COL6A3: variants seen among roughly 807,000 people sequenced by gnomAD.
COL6A3 encodes the protein collagen alpha-3(VI) chain.
In COL6A3, 137 loss-of-function variants were observed where a neutral mutation model predicts 274.1. The ratio of observed to expected loss-of-function variants is 0.50; its 90% CI spans 0.44 to 0.58. COL6A3 has a LOEUF of 0.58. COL6A3 is among the 20% of genes least tolerant of loss of function. The pLI is 0.00. For synonymous variants in COL6A3, 1,650 were observed against 1,650.6 expected (o/e 1.00, Z 0.01); for missense variants, 3,950 against 4,124.9 (o/e 0.96, Z 1.16).
At position 237,364,464 on chromosome 2, in the gene COL6A3, TA is replaced by T; in HGVS notation, c.5839-37del. 1 of 1,516,086 alleles carries T rather than the reference TA, an allele frequency of 6.6e-7. No homozygotes were observed. 93.9% of individuals were successfully genotyped at this position (1,516,086 alleles called of 1,614,324 possible). ...GAGAGCTGTCAAATCCCAGGAAAAC[TA>T]AAAAGGAGTGTTGCAGACTGCTGAT... On this transcript the variant is annotated intron_variant, in intron 12 of 43. Transcript: ENST00000295550. This position sits in a 1 kb window ranked among gnomAD's most constrained non-coding sequence, Gnocchi z 4.6.
At chr2:237,347,147 T>C (rs1168653678) in intron 31 of COL6A3, among the ~76,000 whole-genome samples, 1 of 151,928 alleles carries the variant, frequency 6.6e-6, no homozygotes, top group Non-Finnish European at 1.5e-5. Flanking sequence ...TGGTGTCTCA[T>C]GCATGTAATC....
chr2:237,340,346 A>C lies in COL6A3; in HGVS notation c.8464+106T>G, dbSNP rs543288654. On this transcript the variant is annotated intron_variant, in intron 38 of 43. Coordinates refer to ENST00000295550, the MANE Select transcript of COL6A3 (RefSeq NM_004369.4). ...TATATGTCTGTTCAATGAATGAAAC[A>C]GTTCCTGTCAACACATCGGTTGTCT... 6.9e-5 allele frequency: 73 copies of C among 1,063,790 alleles called. No homozygotes were observed. In the African/African-American group the frequency reaches 8.7e-4, roughly 13 times the overall value. 65.9% of individuals were successfully genotyped at this position (1,063,790 alleles called of 1,614,324 possible). A position where few individuals can be genotyped will look rare whatever the true frequency, so the allele number is the denominator to read the frequency against.
At chr2:237,375,975 T>C (rs2077827655) in intron 7 of COL6A3, among the ~76,000 whole-genome samples, 1 of 152,250 alleles carries the variant, frequency 6.6e-6, no homozygotes, top group Non-Finnish European at 1.5e-5. Context: ...TTCAAAGATG[T>C]ATTCAAGAAA....
chr2:237,404,205 T>C (rs1271596011), intron 1 of COL6A3, among the ~76,000 whole-genome samples: 1 of 152,088 alleles, frequency 6.6e-6, no homozygotes, highest in Admixed American at 6.5e-5. Flanking sequence ...GATCAATGTT[T>C]TAATACGGGA....
rs2077702810 is a variant in COL6A3 at position 237,371,990 on chromosome 2, T to G, written c.4027A>C (p.Ile1343Leu). 1 of 1,614,144 alleles carries G rather than the reference T, an allele frequency of 6.2e-7. No individual in the cohort carries two copies. The highest frequency in any genetic ancestry group is 1.3e-5 in the African/African-American group (1 of 75,068). ...TCATCGTCAGACTTTCCAGACGAGATGAGGACCAGGAACTGCGGGACGCCC... is the reference window on the plus strand; with the variant it reads ...TCATCGTCAGACTTTCCAGACGAGAGGAGGACCAGGAACTGCGGGACGCCC... ...EEGVPQFLVLISSGKSDDEVD... is the reference protein window; with the variant it reads ...EEGVPQFLVLLSSGKSDDEVD... The change falls in exon 9 of 44, where the codon ATC (isoleucine) becomes CTC (leucine). Residue 1343 changes from isoleucine to leucine, a missense_variant. Ile to Leu is a conservative substitution (Grantham distance 5). This residue lies in a region of COL6A3 where 1,934 missense variants were observed against 1,984.3 expected (regional missense o/e 0.97). Transcript: ENST00000295550. This position sits in a 1 kb window ranked among gnomAD's most constrained non-coding sequence, Gnocchi z 4.3.
In COL6A3 at chr2:237,407,218, T is replaced by C. The variant is rs954927250; in HGVS notation, c.-31+6735A>G. Among the ~76,000 whole-genome samples, 2 of 152,212 alleles carry C rather than the reference T, an allele frequency of 1.3e-5. No homozygotes were observed. The highest frequency in any genetic ancestry group is 4.8e-5 in the African/African-American group (2 of 41,458). On this transcript the variant is annotated intron_variant, in intron 1 of 43. Transcript: ENST00000295550. The surrounding 1 kb of genome is among the most constrained non-coding windows in gnomAD (Gnocchi z 4.3). ...TGAGCCACTACACCTGGCCTTTGAA[T>C]TTCTATTCTATGAAAATACTCTAGA... is the stretch of plus-strand genomic sequence containing the variant.
At chr2:237,412,860 C>T (rs886244588) in intron 1 of COL6A3, among the ~76,000 whole-genome samples, 2 of 152,124 alleles carry the variant, frequency 1.3e-5, no homozygotes, top group African/African-American at 4.8e-5. Context: ...GGCCACAGCC[C>T]TGCCTCCCCA....
rs775790310 is a variant in COL6A3 at position 237,340,653 on chromosome 2, C to G, written c.8263G>C (p.Ala2755Pro). Residue 2755 changes from alanine (A) to proline (P), a missense_variant, in exon 38 of 44, where the codon GCC becomes CCC. Physicochemically the swap from Ala to Pro is conservative, Grantham distance 27. This residue lies in a region of COL6A3 where 1,284 missense variants were observed against 1,349.7 expected (regional missense o/e 0.95). Coordinates refer to ENST00000295550, the MANE Select transcript of COL6A3 (RefSeq NM_004369.4). ...GEVPEQQLEE[A>P]QRVILQAKCK... ...TTGGCCTGCAGGATGACTCTCTGGG[C>G]CTCCTCCAGCTGCTGCTCCGGCACC... 4 of 1,614,214 alleles carry G rather than the reference C, an allele frequency of 2.5e-6. No individual in the cohort carries two copies. The highest frequency in any genetic ancestry group is 3.4e-6 in the Non-Finnish European group (4 of 1,180,032).
chr2:237,337,316 G>T (rs927017077), intron 39 of COL6A3, among the ~76,000 whole-genome samples: 19 of 152,264 alleles, frequency 1.2e-4, no homozygotes, highest in African/African-American at 3.9e-4. Context: ...TTCAGGGAAG[G>T]TTTCAGAGAA....
intron 38 of COL6A3, among the ~76,000 whole-genome samples, chr2:237,339,722 T>C (rs1303558171): frequency 6.6e-6 from 1 of 152,232 alleles, no homozygotes; most frequent in Non-Finnish European, 1.5e-5. Context: ...TTGCCTGTAC[T>C]GACCCTGGGC....
Position 237,381,255 on chromosome 2 carries a change from G to A in COL6A3, c.1557C>T (p.Asp519=), listed in dbSNP as rs145586177. ...CAGAGCCCGTGTACAGGGCCGAGCCGTCCAGGGGCTTCATTTTCCGCACAG... is the reference window on the plus strand; with the variant it reads ...CAGAGCCCGTGTACAGGGCCGAGCCATCCAGGGGCTTCATTTTCCGCACAG... ...ITAVRKMKPL[D]GSALYTGSAL... is the part of the protein sequence containing the mutation. Residue 519 remains aspartate, a synonymous_variant, in exon 5 of 44, where the codon GAC becomes GAT. Coordinates refer to ENST00000295550, the MANE Select transcript of COL6A3 (RefSeq NM_004369.4). The A allele has an allele frequency of 4.0e-5, 64 of 1,614,242 alleles. No individual in the cohort carries two copies. The Admixed American group carries it at 4.0e-4, about 10-fold the overall frequency.
chr2:237,378,738 T>A lies in COL6A3; in HGVS notation c.2395A>T (p.Met799Leu). ...GCTGGCAGGGAGCTGAAATCATCCA[T>A]GAGATACACCAGGCTTGGGTTAAAA... ...IAFNPSLVYL[M>L]DDFSSLPALP... is the part of the protein sequence containing the mutation. The change falls in exon 6 of 44, where the codon ATG becomes TTG. Residue 799 changes from methionine (M) to leucine (L), a missense_variant. Around this residue, in one of 5 missense-constraint regions of COL6A3, gnomAD observed 1,934 missense variants for 1,984.3 expected, o/e 0.97. Coordinates refer to ENST00000295550, the MANE Select transcript of COL6A3 (RefSeq NM_004369.4). The A allele has an allele frequency of 6.2e-7, 1 of 1,613,264 alleles. No homozygotes were observed. The highest frequency in any genetic ancestry group is 8.5e-7 in the Non-Finnish European group (1 of 1,179,250).
chr2:237,360,293 C>A, intron 16 of COL6A3, 134 bp from the exon 17 acceptor site: 1 of 893,186 alleles, frequency 1.1e-6, no homozygotes, highest in South Asian at 1.4e-5. Flanking sequence ...GAACGCCGAT[C>A]GAGGCTACGT....
At chr2:237,369,570 C>A (rs752266200) in intron 9 of COL6A3, among the ~76,000 whole-genome samples, 1 of 152,164 alleles carries the variant, frequency 6.6e-6, no homozygotes, top group Non-Finnish European at 1.5e-5. Flanking sequence ...CTTTGTTGTA[C>A]AAGAAGAGAA....
At chr2:237,331,047 T>C (rs745440091) in intron 42 of COL6A3, among the ~76,000 whole-genome samples, 38 of 152,228 alleles carry the variant, frequency 2.5e-4, no homozygotes, top group Non-Finnish European at 4.0e-4. Flanking sequence ...GGGACCCATC[T>C]CTGTAAACAT....
At position 237,346,531 on chromosome 2, in the gene COL6A3, T is replaced by C. The variant is rs2077100310; in HGVS notation, c.7064A>G (p.Lys2355Arg). ...NSGPPGIVGQKGDPGYPGPAG... is the reference protein window; with the variant it reads ...NSGPPGIVGQRGDPGYPGPAG... Reference sequence around the variant, plus strand: ...TGGTCCTGGGTAGCCAGGGTCTCCCTTCTGTCCAACTATCCCTGGAGGTCC... The same window carrying C: ...TGGTCCTGGGTAGCCAGGGTCTCCCCTCTGTCCAACTATCCCTGGAGGTCC... The change falls in exon 32 of 44, where the codon AAG becomes AGG. Residue 2355 changes from lysine (K) to arginine (R), a missense_variant. Physicochemically the swap from Lys to Arg is conservative, Grantham distance 26 (BLOSUM62 2). Transcript: ENST00000295550. The C allele has an allele frequency of 6.2e-7, 1 of 1,613,906 alleles. No homozygotes were observed. Among genetic ancestry groups the C allele is most frequent in the Non-Finnish European group, 8.5e-7 (1 of 1,179,948 alleles).
In COL6A3 at chr2:237,357,319, A is replaced by G. The variant is rs2077339822; in HGVS notation, c.6591+19T>C. ...CTAAGAATTGTCACAGAGCCCCCCA[A>G]AGCCCTAATGGCACTCACATTCTTC... On this transcript the variant is annotated intron_variant, in intron 23 of 43. Coordinates refer to ENST00000295550, the MANE Select transcript of COL6A3 (RefSeq NM_004369.4). 1 of 1,612,438 alleles carries G rather than the reference A, an allele frequency of 6.2e-7. No individual in the cohort carries two copies. Among genetic ancestry groups the G allele is most frequent in the Non-Finnish European group, 8.5e-7 (1 of 1,178,436 alleles).
intron 8 of COL6A3, among the ~76,000 whole-genome samples, chr2:237,372,654 C>T (rs1052837919): frequency 2.6e-5 from 4 of 152,146 alleles, no homozygotes; most frequent in South Asian, 2.1e-4. Context: ...CACTGGGCTT[C>T]GCCAGAGACA....
At chr2:237,377,387 T>G in intron 6 of COL6A3, 43 bp from the exon 7 acceptor site, 1 of 1,584,750 alleles carries the variant, frequency 6.3e-7, no homozygotes, top group South Asian at 1.1e-5. Flanking sequence ...GACGAGAGCA[T>G]AACAGGAACC....
Sources: allele counts gnomAD v4.1 joint callset (sites outside exome capture counted in the v4.1 genomes callset), GRCh38; gene constraint gnomAD v4.1.1; regional missense constraint gnomAD v4.1.1; non-coding constraint Gnocchi (gnomAD v3.1); transcripts MANE v1.5; gene names NCBI Gene and HGNC (gene_info 2026-07-23, HGNC 2026-07-21).